Variants in MEGF10 observed in about 807,000 individuals in gnomAD.
MEGF10 encodes multiple EGF like domains 10.
In MEGF10, 86 loss-of-function variants were observed where a neutral mutation model predicts 147.5. The ratio of observed to expected loss-of-function variants is 0.58; its 90% CI spans 0.49 to 0.70. The LOEUF (loss-of-function observed/expected upper bound fraction) is 0.70. Ranked by LOEUF, MEGF10 falls within the 30% of genes least tolerant of loss-of-function variation. MEGF10 has a pLI of 0.00. For missense variants in MEGF10, 1,329 were observed against 1,487.3 expected, an observed-to-expected ratio of 0.89 and a Z score of 1.75; for synonymous variants, 478 against 525.5, an observed-to-expected ratio of 0.91 and a Z score of 1.24.
At chr5:127,316,280 AC>A (rs1347615153) in intron 1 of MEGF10, among the ~76,000 whole-genome samples, 1 of 152,164 alleles carries the variant, frequency 6.6e-6, no homozygotes, top group African/African-American at 2.4e-5. Context: ...TGATATGAAT[AC>A]CATGCCTGCA....
chr5:127,328,200 C>T (rs952172268), intron 1 of MEGF10, among the ~76,000 whole-genome samples: 1 of 152,140 alleles, frequency 6.6e-6, no homozygotes, highest in African/African-American at 2.4e-5. Flanking sequence ...GTGTTATTTT[C>T]TCAAACAGTT....
At chr5:127,341,079 T>TA (rs1761663942) in intron 4 of MEGF10, among the ~76,000 whole-genome samples, 1 of 152,084 alleles carries the variant, frequency 6.6e-6, no homozygotes, top group Non-Finnish European at 1.5e-5. Context: ...GTTTTCACAT[T>TA]AAAAAATGAC....
At chr5:127,291,412 C>G (rs552951834) in intron 1 of MEGF10, among the ~76,000 whole-genome samples, 1 of 152,286 alleles carries the variant, frequency 6.6e-6, no homozygotes, top group Non-Finnish European at 1.5e-5. Flanking sequence ...GGGAATCGGA[C>G]TGAGCTTGAA....
chr5:127,245,485 G>C, the MEGF10 span, among the ~76,000 whole-genome samples: 1 of 152,016 alleles, frequency 6.6e-6, no homozygotes, highest in Non-Finnish European at 1.5e-5. Flanking sequence ...TTAAACATAA[G>C]ACCCAAAACC....
intron 1 of MEGF10, among the ~76,000 whole-genome samples, chr5:127,316,785 G>T (rs867085083): frequency 1.3e-5 from 2 of 152,092 alleles, no homozygotes; most frequent in African/African-American, 2.4e-5. Flanking sequence ...AGAGATGAGC[G>T]GTGTGGTGTG....
At chr5:127,249,978 G>T in the MEGF10 span, among the ~76,000 whole-genome samples, 1 of 152,138 alleles carries the variant, frequency 6.6e-6, no homozygotes, top group South Asian at 2.1e-4. Context: ...TGATAACAGC[G>T]TTGATTCATT....
intron 15 of MEGF10, 113 bp downstream of exon 15, chr5:127,434,934 G>A (rs1765506119): frequency 3.9e-6 from 4 of 1,028,394 alleles, no homozygotes; most frequent in Non-Finnish European, 5.3e-6. Flanking sequence ...TGTCTGCTGG[G>A]AATGTCTTCT....
At chr5:127,360,973 TGTGA>T (rs1298520683) in intron 4 of MEGF10, among the ~76,000 whole-genome samples, 34 of 152,136 alleles carry the variant, frequency 2.2e-4, no homozygotes, top group Middle Eastern at 3.4e-3. Flanking sequence ...TTTGCACCTA[TGTGA>T]GTGATACTTG....
intron 6 of MEGF10, among the ~76,000 whole-genome samples, chr5:127,397,205 G>T (rs990360425): frequency 2.6e-5 from 4 of 152,152 alleles, no homozygotes; most frequent in Non-Finnish European, 5.9e-5. Context: ...AGCTGGGTGG[G>T]TTCAGTGCAT....
chr5:127,233,503 A>G, the MEGF10 span, among the ~76,000 whole-genome samples: 3 of 152,218 alleles, frequency 2.0e-5, no homozygotes, highest in African/African-American at 7.2e-5. Context: ...TAGCCTGGCT[A>G]CTTGCTTGGA....
chr5:127,425,151 T>C (rs562590161), intron 13 of MEGF10, among the ~76,000 whole-genome samples: 5 of 152,344 alleles, frequency 3.3e-5, no homozygotes, highest in South Asian at 4.1e-4. Flanking sequence ...GAGCAAGAGA[T>C]AGGATTTGGC....
At chr5:127,351,335 G>T (rs1762079457) in intron 4 of MEGF10, among the ~76,000 whole-genome samples, 1 of 152,006 alleles carries the variant, frequency 6.6e-6, no homozygotes, top group South Asian at 2.1e-4. Context: ...ATATAAATTT[G>T]TAGGTTATGC....
At chr5:127,393,987 T>C (rs955497080) in intron 5 of MEGF10, among the ~76,000 whole-genome samples, 8 of 152,174 alleles carry the variant, frequency 5.3e-5, no homozygotes, top group Admixed American at 2.0e-4. Context: ...TCTTGTTATA[T>C]AAAACATGTT....
the MEGF10 span, among the ~76,000 whole-genome samples, chr5:127,243,093 T>C: frequency 1.3e-5 from 2 of 152,206 alleles, no homozygotes; most frequent in Non-Finnish European, 2.9e-5. Flanking sequence ...GGTAGCATAA[T>C]ATATATTCCA....
At chr5:127,238,856 G>A in the MEGF10 span, among the ~76,000 whole-genome samples, 2 of 149,446 alleles carry the variant, frequency 1.3e-5, no homozygotes, top group Non-Finnish European at 2.9e-5. Flanking sequence ...ATTATATTTT[G>A]CAGTCCTTGT....
intron 4 of MEGF10, among the ~76,000 whole-genome samples, chr5:127,357,321 G>T (rs187410423): frequency 3.3e-5 from 5 of 152,226 alleles, no homozygotes; most frequent in Admixed American, 1.3e-4. Flanking sequence ...CAAAAGTAGA[G>T]CTGTCAATAA....
At chr5:127,344,327 C>T (rs564550020) in intron 4 of MEGF10, among the ~76,000 whole-genome samples, 13 of 152,212 alleles carry the variant, frequency 8.5e-5, no homozygotes, top group African/African-American at 3.1e-4. Flanking sequence ...CAGGTATATA[C>T]ATTATCTTAT....
chr5:127,399,602 T>C (rs376148259), intron 7 of MEGF10, among the ~76,000 whole-genome samples: 64 of 152,214 alleles, frequency 4.2e-4, no homozygotes, highest in African/African-American at 1.5e-3. Context: ...AAAGCTGTTC[T>C]TTCAGAGGTT....
intron 7 of MEGF10, among the ~76,000 whole-genome samples, chr5:127,399,063 A>AT (rs1236836217): frequency 6.6e-6 from 1 of 152,208 alleles, no homozygotes; most frequent in Non-Finnish European, 1.5e-5. Flanking sequence ...TCCCTTAAGG[A>AT]TAAAAAAAAG....
Sources: gnomAD v4.1 joint callset for allele counts (sites outside exome capture counted in the v4.1 genomes callset) on GRCh38, gnomAD v4.1.1 for gene constraint, MANE v1.5 for transcripts, NCBI Gene and HGNC (gene_info 2026-07-23, HGNC 2026-07-21) for gene names.